CDKAL1: variants seen among roughly 807,000 people sequenced by gnomAD.
CDKAL1 encodes the protein CDKAL1 threonylcarbamoyladenosine tRNA methylthiotransferase.
CDKAL1 carries 32 observed loss-of-function variants against 68.2 expected under a neutral mutation model. The observed-to-expected ratio is 0.47, with a 90% CI of 0.35 to 0.63. The LOEUF (loss-of-function observed/expected upper bound fraction) is 0.63, where lower values mean the gene tolerates loss of function less well. CDKAL1 is among the 30% of genes least tolerant of loss of function. CDKAL1 has a pLI of 0.00. For synonymous variants in CDKAL1, 234 were observed against 244.3 expected (o/e 0.96, Z 0.39); for missense variants, 606 against 696.7 (o/e 0.87, Z 1.47).
intron 11 of CDKAL1, among the ~76,000 whole-genome samples, chr6:21,052,088 G>C (rs1373466691): frequency 6.6e-6 from 1 of 152,112 alleles, no homozygotes; most frequent in Admixed American, 6.6e-5. Context: ...TGTTTTTAGA[G>C]CAGTTAATTT....
At chr6:20,557,643 A>T (rs1764109315) in intron 4 of CDKAL1, among the ~76,000 whole-genome samples, 1 of 152,026 alleles carries the variant, frequency 6.6e-6, no homozygotes, top group Admixed American at 6.6e-5. Context: ...CATCCTTAAC[A>T]TGGCTGGGCA....
intron 5 of CDKAL1, among the ~76,000 whole-genome samples, chr6:20,650,856 A>G (rs1370488544): frequency 1.3e-5 from 2 of 152,116 alleles, no homozygotes; most frequent in African/African-American, 4.8e-5. Flanking sequence ...TGAAGATCAG[A>G]TGGTTGTAGA....
At chr6:20,658,649 TGTAAA>T (rs149618394) in intron 5 of CDKAL1, among the ~76,000 whole-genome samples, 59,872 of 151,688 alleles carry the variant, frequency 0.39, 12,900 homozygotes, top group African/African-American at 0.58. Flanking sequence ...AACTTGAACT[TGTAAA>T]GTAAATTGCT....
At chr6:21,141,372 T>C (rs939661477) in intron 13 of CDKAL1, among the ~76,000 whole-genome samples, 11 of 152,230 alleles carry the variant, frequency 7.2e-5, no homozygotes, top group African/African-American at 2.7e-4. Flanking sequence ...GTGGCATCTT[T>C]ACGTGCCTTC....
chr6:21,200,942 G>T (rs1778662512), intron 14 of CDKAL1, 168 bp from the exon 15 acceptor site: 1 of 501,562 alleles, frequency 2.0e-6, no homozygotes, highest in Non-Finnish European at 3.4e-6. Flanking sequence ...TTCATTAATT[G>T]TGGCAAAAGT....
At chr6:21,052,937 T>C (rs1331373539) in intron 11 of CDKAL1, among the ~76,000 whole-genome samples, 1 of 152,216 alleles carries the variant, frequency 6.6e-6, no homozygotes, top group Non-Finnish European at 1.5e-5. Flanking sequence ...GGAAGATTCA[T>C]GCTATCTGTC....
At chr6:20,810,996 C>T (rs1044667273) in intron 8 of CDKAL1, among the ~76,000 whole-genome samples, 32 of 152,134 alleles carry the variant, frequency 2.1e-4, no homozygotes, top group African/African-American at 7.5e-4. Context: ...ACTGAAATGG[C>T]TTCAATACTA....
intron 8 of CDKAL1, among the ~76,000 whole-genome samples, chr6:20,814,185 G>A (rs9465902): frequency 0.66 from 99,701 of 151,884 alleles, 33,146 homozygotes; most frequent in African/African-American, 0.72. Context: ...TCATGTTATT[G>A]TGAATGATAT....
intron 15 of CDKAL1, among the ~76,000 whole-genome samples, chr6:21,225,370 C>T (rs981442398): frequency 6.6e-6 from 1 of 152,116 alleles, no homozygotes; most frequent in Non-Finnish European, 1.5e-5. Context: ...GCTGACTTCA[C>T]AATGGACGTA....
At chr6:21,037,802 C>T (rs887173713) in intron 11 of CDKAL1, among the ~76,000 whole-genome samples, 1 of 149,596 alleles carries the variant, frequency 6.7e-6, no homozygotes, top group South Asian at 2.1e-4. Context: ...AAAGATTATG[C>T]GATTTACATT....
At chr6:20,887,367 G>A (rs1198543454) in intron 9 of CDKAL1, among the ~76,000 whole-genome samples, 1 of 152,136 alleles carries the variant, frequency 6.6e-6, no homozygotes, top group African/African-American at 2.4e-5. Flanking sequence ...GCTTGTATAA[G>A]CATGTTTATA....
intron 9 of CDKAL1, among the ~76,000 whole-genome samples, chr6:20,856,955 T>C (rs1254950271): frequency 6.6e-6 from 1 of 152,220 alleles, no homozygotes; most frequent in Non-Finnish European, 1.5e-5. Flanking sequence ...TTCATTCCAG[T>C]TGAAAAATTA....
chr6:20,671,779 T>G (rs927185120), intron 5 of CDKAL1, among the ~76,000 whole-genome samples: 1 of 152,072 alleles, frequency 6.6e-6, no homozygotes, highest in African/African-American at 2.4e-5. Flanking sequence ...TCAAGCTGGA[T>G]TGCAGTGGCT....
chr6:20,938,486 A>ATAT (rs923131396), intron 9 of CDKAL1, among the ~76,000 whole-genome samples: 5 of 152,202 alleles, frequency 3.3e-5, no homozygotes, highest in African/African-American at 4.8e-5. Flanking sequence ...TGGAACTGAT[A>ATAT]GATAGCCAGT....
At chr6:20,662,267 CTTATGG>C (rs901022865) in intron 5 of CDKAL1, among the ~76,000 whole-genome samples, 3 of 152,002 alleles carry the variant, frequency 2.0e-5, no homozygotes, top group Non-Finnish European at 2.9e-5. Flanking sequence ...TTATTTCTTA[CTTATGG>C]TTACACTTAG....
At chr6:20,855,691 A>G (rs967295009) in intron 9 of CDKAL1, among the ~76,000 whole-genome samples, 4 of 152,180 alleles carry the variant, frequency 2.6e-5, no homozygotes, top group African/African-American at 7.2e-5. Flanking sequence ...GGAAGACAGC[A>G]TTAGAATTTG....
At chr6:21,122,336 C>G (rs565212068) in intron 13 of CDKAL1, among the ~76,000 whole-genome samples, 1 of 152,114 alleles carries the variant, frequency 6.6e-6, no homozygotes, top group African/African-American at 2.4e-5. Context: ...TTTGAAGTAC[C>G]ACATTTTGTT....
intron 5 of CDKAL1, among the ~76,000 whole-genome samples, chr6:20,736,888 A>G (rs561134144): frequency 1.3e-5 from 2 of 152,294 alleles, no homozygotes; most frequent in African/African-American, 4.8e-5. Context: ...GGGCAAACAG[A>G]AGGGGAATGT....
In CDKAL1 at chr6:20,937,949, A is replaced by G. The variant is rs531902560; in HGVS notation, c.743-17470A>G. On this transcript the variant is annotated intron_variant, in intron 9 of 15. Transcript: ENST00000274695. ...TATCTTCCTTCTGCCCACTAAGTTTAGCATCCATGGATGATCCTTGCCTCT... is the reference window on the plus strand; with the variant it reads ...TATCTTCCTTCTGCCCACTAAGTTTGGCATCCATGGATGATCCTTGCCTCT... 8.6e-5 allele frequency among the ~76,000 whole-genome samples: 13 copies of G among 151,810 alleles called. No homozygotes were observed. The South Asian group carries it at 1.0e-3, about 12-fold the overall frequency.
Sources: allele counts gnomAD v4.1 joint callset (sites outside exome capture counted in the v4.1 genomes callset), GRCh38; gene constraint gnomAD v4.1.1; transcripts MANE v1.5; gene names NCBI Gene and HGNC (gene_info 2026-07-23, HGNC 2026-07-21).